The following SASS6 variants were observed in gnomAD, a reference collection of about 807,000 sequenced individuals.
The protein encoded by SASS6 is SAS-6 centriolar assembly protein.
In SASS6, 59 loss-of-function variants were observed where a neutral mutation model predicts 94.9. The observed-to-expected ratio is 0.62, with a 90% CI of 0.50 to 0.77. The LOEUF (loss-of-function observed/expected upper bound fraction) is 0.77. Ranked by LOEUF, SASS6 falls within the 30% of genes least tolerant of loss-of-function variation. The pLI is 0.00. For synonymous variants in SASS6, 264 were observed against 270.0 expected, an observed-to-expected ratio of 0.98 and a Z score of 0.22; for missense variants, 698 against 734.1, an observed-to-expected ratio of 0.95 and a Z score of 0.57.
At chr1:100,085,465 TATTC>T in intron 16 of SASS6, 31 bp from the exon 17 acceptor site, 1 of 1,565,314 alleles carries the variant, frequency 6.4e-7, no homozygotes, top group South Asian at 1.1e-5. Context: ...AGGTTACTGG[TATTC>T]ATTAAGTCTT....
chr1:100,088,231 C>T lies in SASS6; in HGVS notation c.1680G>A (p.Gln560=), dbSNP rs1557877831. 2 of 1,559,930 alleles carry T rather than the reference C, an allele frequency of 1.3e-6. No individual in the cohort carries two copies. The highest frequency in any genetic ancestry group is 8.8e-7 in the Non-Finnish European group (1 of 1,131,290). ...TTGGTTTTGTAAACTGCAAATTAAA[C>T]TGAACCTGTGAGAAGGAAAAACATC... ...TSHPGSGTKV[Q]FNLQFTKPNA... Residue 560 remains glutamine (Q), a synonymous_variant, in exon 15 of 17, where the codon CAG becomes CAA. Transcript: ENST00000287482.
In SASS6 at chr1:100,107,475, T is replaced by G. The variant is rs1335704836; in HGVS notation, c.1225A>C (p.Ile409Leu). 6.2e-7 allele frequency: 1 copy of G among 1,605,382 alleles called. No individual in the cohort carries two copies. Residue 409 changes from isoleucine to leucine, a missense_variant, in exon 11 of 17, where the codon ATT becomes CTT. By Grantham distance (5) the Ile-to-Leu change is conservative. Transcript: ENST00000287482. ...GKLKLKNTVT[I>L]QQEKLLAEKE... Reference sequence around the variant, plus strand: ...TCAGCCAAGAGTTTTTCTTGCTGAATAGTAACTGTATTCTTCAATTTCAAC... The same window carrying G: ...TCAGCCAAGAGTTTTTCTTGCTGAAGAGTAACTGTATTCTTCAATTTCAAC...
chr1:100,124,659 G>A (rs1284931674), intron 2 of SASS6, among the ~76,000 whole-genome samples: 1 of 152,216 alleles, frequency 6.6e-6, no homozygotes, highest in South Asian at 2.1e-4. Context: ...GGGATTACAG[G>A]TGTGAGGCAC....
intron 14 of SASS6, chr1:100,099,325 A>T (rs1158170604): frequency 6.5e-6 from 1 of 153,748 alleles, no homozygotes; most frequent in Non-Finnish European, 1.5e-5. Context: ...TCAGGAGGAT[A>T]AGAGATTCCT....
At chr1:100,123,402 G>A in intron 2 of SASS6, 113 bp from the exon 3 acceptor site, 1 of 547,534 alleles carries the variant, frequency 1.8e-6, no homozygotes, top group South Asian at 2.4e-5. Context: ...TTATATTGCA[G>A]ACAGCTTTGT....
chr1:100,087,230 A>T (rs1651360550), intron 15 of SASS6, among the ~76,000 whole-genome samples: 1 of 152,088 alleles, frequency 6.6e-6, no homozygotes, highest in Non-Finnish European at 1.5e-5. Flanking sequence ...TGATCCACCC[A>T]CCTTGGCCTC....
In SASS6 at chr1:100,107,863, C is replaced by A; in HGVS notation, c.1003G>T (p.Asp335Tyr). ...TCTTTTGTTCTTAAAACAAGCTGGT[C>A]CTTATCCTTGATTTCCTGTTCTAAA... The part of the protein sequence containing the change: ...AVLEQEIKDK[D>Y]QLVLRTKEAF... The change falls in exon 9 of 17, where the codon GAC becomes TAC. Residue 335 changes from aspartate to tyrosine, a missense_variant. By Grantham distance (160) the Asp-to-Tyr change is radical. Coordinates refer to ENST00000287482, the MANE Select transcript of SASS6 (RefSeq NM_194292.3). The A allele has an allele frequency of 1.2e-6, 2 of 1,612,932 alleles. No homozygotes were observed. Among genetic ancestry groups the A allele is most frequent in the South Asian group, 1.1e-5 (1 of 91,036 alleles).
rs1296167194 is a variant in SASS6 at position 100,110,496 on chromosome 1, A to T, written c.670-13T>A. ...ATTGAACCTGTGCCTATGATACAAT[A>T]AAAATACAGTACCAAAATTCAAAGA... On this transcript the variant is annotated splice_polypyrimidine_tract_variant and intron_variant, in intron 7 of 16. Transcript: ENST00000287482. 1.4e-6 allele frequency: 2 copies of T among 1,427,800 alleles called. No homozygotes were observed. The highest frequency in any genetic ancestry group is 1.8e-4 in the Middle Eastern group (1 of 5,518). The allele number at this position is 1,427,800 out of a possible 1,614,324, so 88.4% of individuals were successfully genotyped here.
chr1:100,110,254 T>C, intron 8 of SASS6, 38 bp downstream of exon 8: 1 of 1,293,142 alleles, frequency 7.7e-7, no homozygotes, highest in Non-Finnish European at 1.1e-6. Context: ...CAAAACGTTC[T>C]CTTAAATTGG....
chr1:100,085,507 A>G (rs765755935), intron 16 of SASS6, 29 bp downstream of exon 16: 2 of 1,584,358 alleles, frequency 1.3e-6, no homozygotes, highest in South Asian at 2.2e-5. Context: ...TCAACTATAA[A>G]GTACAAAAAT....
chr1:100,108,130 AT>A (rs926807997), intron 8 of SASS6, 126 bp from the exon 9 acceptor site: 239 of 515,876 alleles, frequency 4.6e-4, no homozygotes, highest in Admixed American at 7.4e-4. Flanking sequence ...TTTAGTACAG[AT>A]TTTTTTTTAA....
intron 1 of SASS6, among the ~76,000 whole-genome samples, chr1:100,130,180 T>C (rs920983114): frequency 6.6e-6 from 1 of 152,230 alleles, no homozygotes; most frequent in African/African-American, 2.4e-5. Context: ...ATCTGTGCTA[T>C]GGTGCCTGTT....
intron 7 of SASS6, among the ~76,000 whole-genome samples, chr1:100,118,366 G>A (rs1366935494): frequency 6.6e-6 from 1 of 152,042 alleles, no homozygotes; most frequent in Admixed American, 6.6e-5. Flanking sequence ...CAAGAATATG[G>A]GGAAATAAGT....
At chr1:100,102,675 CAAA>C (rs67844941) in intron 14 of SASS6, among the ~76,000 whole-genome samples, 4 of 70,104 alleles carry the variant, frequency 5.7e-5, no homozygotes, top group African/African-American at 5.0e-5. Context: ...AAGACTGTCT[CAAA>C]AAAAAAAAAA....
At chr1:100,127,741 A>T (rs1296791819) in intron 1 of SASS6, among the ~76,000 whole-genome samples, 1 of 151,130 alleles carries the variant, frequency 6.6e-6, no homozygotes. Context: ...AGTGCTGGCT[A>T]CTTCAGAGGC....
At chr1:100,110,052 C>T (rs919785027) in intron 8 of SASS6, among the ~76,000 whole-genome samples, 5 of 151,984 alleles carry the variant, frequency 3.3e-5, no homozygotes, top group Non-Finnish European at 5.9e-5. Context: ...AATCTGACAG[C>T]TGTGCCAGTA....
intron 11 of SASS6, 22 bp from the exon 12 acceptor site, chr1:100,107,015 A>T: frequency 9.9e-7 from 1 of 1,008,056 alleles, no homozygotes; most frequent in Non-Finnish European, 1.5e-6. Flanking sequence ...CAATCATCAC[A>T]ATAAGTCAAG....
At chr1:100,128,656 T>C (rs990971887) in intron 1 of SASS6, among the ~76,000 whole-genome samples, 1 of 152,244 alleles carries the variant, frequency 6.6e-6, no homozygotes, top group Non-Finnish European at 1.5e-5. Flanking sequence ...TTTTCCCTTA[T>C]AATGGTTAAT....
At chr1:100,099,104 C>T (rs1372069844) in intron 14 of SASS6, 1 of 152,074 alleles carries the variant, frequency 6.6e-6, no homozygotes, top group Non-Finnish European at 1.5e-5. Context: ...TAATTTAAAC[C>T]ATCTAGGTGA....
Sources: gnomAD v4.1 joint callset for allele counts (sites outside exome capture counted in the v4.1 genomes callset) on GRCh38, gnomAD v4.1.1 for gene constraint, MANE v1.5 for transcripts, NCBI Gene and HGNC (gene_info 2026-07-23, HGNC 2026-07-21) for gene names.